STK38L: variants seen among roughly 807,000 people sequenced by gnomAD.
The protein encoded by STK38L is serine/threonine kinase 38 like.
A neutral mutation model predicts 59.7 loss-of-function variants in STK38L; 28 were observed. The observed-to-expected ratio is 0.47, with a 90% CI of 0.35 to 0.64. The LOEUF (loss-of-function observed/expected upper bound fraction) is 0.64. STK38L is among the 30% of genes least tolerant of loss of function. The pLI, the probability that STK38L is intolerant of heterozygous loss-of-function variation, is 0.01. For missense variants in STK38L, 314 were observed against 555.8 expected, an observed-to-expected ratio of 0.56 and a Z score of 4.37; for synonymous variants, 162 against 176.8, an observed-to-expected ratio of 0.92 and a Z score of 0.66.
At chr12:27,253,817 A>G (rs1398351149) in intron 1 of STK38L, among the ~76,000 whole-genome samples, 2 of 152,170 alleles carry the variant, frequency 1.3e-5, no homozygotes, top group African/African-American at 4.8e-5. Flanking sequence ...AGGAACCGGA[A>G]TTGTTGCCGT....
chr12:27,276,992 T>C (rs1294652415), intron 1 of STK38L, among the ~76,000 whole-genome samples: 3 of 152,202 alleles, frequency 2.0e-5, no homozygotes, highest in Admixed American at 1.3e-4. Context: ...GTCTTGCCTT[T>C]TATAAAGCAT....
At chr12:27,286,329 CTAT>C (rs1378737482) in intron 1 of STK38L, among the ~76,000 whole-genome samples, 1 of 152,006 alleles carries the variant, frequency 6.6e-6, no homozygotes, top group African/African-American at 2.4e-5. Context: ...GGTTGTTTTC[CTAT>C]TATTGAAAAT....
intron 11 of STK38L, among the ~76,000 whole-genome samples, chr12:27,318,446 C>A (rs555396826): frequency 6.6e-6 from 1 of 152,206 alleles, no homozygotes; most frequent in East Asian, 1.9e-4. Context: ...TAAATTGGGA[C>A]AACTTGTGGG....
chr12:27,308,266 C>T lies in STK38L; in HGVS notation c.187-73C>T. 1 of 1,348,334 alleles carries T rather than the reference C, an allele frequency of 7.4e-7. No homozygotes were observed. The highest frequency in any genetic ancestry group is 9.8e-7 in the Non-Finnish European group (1 of 1,018,556). The allele number at this position is 1,348,334 out of a possible 1,614,324, so 83.5% of individuals were successfully genotyped here. A position where few individuals can be genotyped will look rare whatever the true frequency, so the allele number is the denominator to read the frequency against. On this transcript the variant is annotated intron_variant, in intron 3 of 13. Coordinates refer to ENST00000389032, the MANE Select transcript of STK38L (RefSeq NM_015000.4). The surrounding 1 kb of genome is among the most constrained non-coding windows in gnomAD (Gnocchi z 4.5). Reference sequence around the variant, plus strand: ...TATCATTTATTTTTACGTGTATCATCTTTTAATACTAGAAGCTCCATCAAA... The same window carrying T: ...TATCATTTATTTTTACGTGTATCATTTTTTAATACTAGAAGCTCCATCAAA...
At chr12:27,321,683 G>A (rs1018975978) in intron 12 of STK38L, among the ~76,000 whole-genome samples, 3 of 152,058 alleles carry the variant, frequency 2.0e-5, no homozygotes, top group Non-Finnish European at 4.4e-5. Context: ...GATGCTTAAT[G>A]GATACAAAAA....
At chr12:27,248,722 A>G (rs892342271) in intron 1 of STK38L, among the ~76,000 whole-genome samples, 1 of 152,218 alleles carries the variant, frequency 6.6e-6, no homozygotes, top group Non-Finnish European at 1.5e-5. Flanking sequence ...TCTAGAAGAC[A>G]CCTATACTAG....
intron 1 of STK38L, among the ~76,000 whole-genome samples, chr12:27,267,651 T>C (rs1442690729): frequency 2.6e-5 from 4 of 152,216 alleles, no homozygotes; most frequent in Non-Finnish European, 5.9e-5. Context: ...TCAGCTCTAT[T>C]GAGTGGCATC....
At chr12:27,319,480 G>T in intron 12 of STK38L, 57 bp downstream of exon 12, 13 of 1,226,326 alleles carry the variant, frequency 1.1e-5, no homozygotes, top group Non-Finnish European at 1.5e-5. Context: ...TTCTAGAGTT[G>T]GCAATTAATT....
intron 1 of STK38L, among the ~76,000 whole-genome samples, chr12:27,279,709 A>T (rs570281189): frequency 1.1e-4 from 15 of 133,634 alleles, no homozygotes; most frequent in African/African-American, 3.5e-4. Context: ...TTTTTTTGCT[A>T]CATTCTTAAG....
chr12:27,296,545 A>T (rs547371194), intron 1 of STK38L, among the ~76,000 whole-genome samples: 15 of 152,324 alleles, frequency 9.8e-5, no homozygotes, highest in Non-Finnish European at 2.1e-4. Context: ...TCAGGTCCAC[A>T]TCCAGGGCTC....
chr12:27,278,404 ATTGT>A (rs1330103105), intron 1 of STK38L, among the ~76,000 whole-genome samples: 5 of 152,112 alleles, frequency 3.3e-5, no homozygotes, highest in Non-Finnish European at 7.4e-5. Flanking sequence ...ACCCAGGCTA[ATTGT>A]TTATATGCTA....
intron 2 of STK38L, among the ~76,000 whole-genome samples, chr12:27,300,331 A>T (rs1336276129): frequency 6.6e-6 from 1 of 152,218 alleles, no homozygotes; most frequent in Non-Finnish European, 1.5e-5. Context: ...AACTATTTTT[A>T]AAAAAGGTAC....
Position 27,317,458 on chromosome 12 carries a change from GT to G in STK38L, c.955+9del, listed in dbSNP as rs1313480646. 6.3e-7 allele frequency: 1 copy of G among 1,576,798 alleles called. No homozygotes were observed. The highest frequency in any genetic ancestry group is 1.8e-5 in the Admixed American group (1 of 56,804). ...TTATGTATGAAATGCTAATAGGTAT[GT>G]TTTATCATTCATTTATGTACAAAAT... is the stretch of plus-strand genomic sequence containing the variant. On this transcript the variant is annotated splice_donor_region_variant and intron_variant, in intron 10 of 13. Coordinates refer to ENST00000389032, the MANE Select transcript of STK38L (RefSeq NM_015000.4).
chr12:27,257,369 A>C (rs1398366378), intron 1 of STK38L, among the ~76,000 whole-genome samples: 3 of 152,220 alleles, frequency 2.0e-5, no homozygotes, highest in Non-Finnish European at 4.4e-5. Context: ...TGTTGGGGTC[A>C]CATAGGCAAA....
At chr12:27,244,761 GC>G in intron 1 of STK38L, among the ~76,000 whole-genome samples, 1 of 152,294 alleles carries the variant, frequency 6.6e-6, no homozygotes, top group South Asian at 2.1e-4. Context: ...AATTGTGGGG[GC>G]TGTTTGTGTA....
chr12:27,294,963 GT>G (rs1446184185), intron 1 of STK38L, among the ~76,000 whole-genome samples: 3 of 151,788 alleles, frequency 2.0e-5, no homozygotes, highest in Admixed American at 1.3e-4. Flanking sequence ...GCCTCACAAA[GT>G]GCCAGGATTA....
intron 1 of STK38L, among the ~76,000 whole-genome samples, chr12:27,260,408 C>T (rs1273723506): frequency 6.6e-6 from 1 of 152,104 alleles, no homozygotes; most frequent in African/African-American, 2.4e-5. Context: ...TACAAGAGAG[C>T]ATTTAGTGAA....
At chr12:27,269,840 G>A (rs71452042) in intron 1 of STK38L, among the ~76,000 whole-genome samples, 6,436 of 151,960 alleles carry the variant, frequency 0.042, 171 homozygotes, top group Non-Finnish European at 0.061. Flanking sequence ...ACGTTGTTTC[G>A]CCATGTTGGC....
At chr12:27,245,592 C>G (rs1038016111) in intron 1 of STK38L, 1 of 152,144 alleles carries the variant, frequency 6.6e-6, no homozygotes, top group African/African-American at 2.4e-5. Flanking sequence ...TGGCCTTTCT[C>G]TCTGTGCCTC....
Sources: gnomAD v4.1 joint callset for allele counts (sites outside exome capture counted in the v4.1 genomes callset) on GRCh38, gnomAD v4.1.1 for gene constraint, Gnocchi (gnomAD v3.1) non-coding constraint, MANE v1.5 for transcripts, NCBI Gene and HGNC (gene_info 2026-07-23, HGNC 2026-07-21) for gene names.